Variants in CDKAL1 observed in about 807,000 individuals in gnomAD.
The protein encoded by CDKAL1 is CDKAL1 threonylcarbamoyladenosine tRNA methylthiotransferase.
A neutral mutation model predicts 68.2 loss-of-function variants in CDKAL1; 32 were observed. That is an observed-to-expected ratio of 0.47 (90% CI 0.35 to 0.63). The LOEUF (loss-of-function observed/expected upper bound fraction) is 0.63. Among genes scored for constraint, CDKAL1 ranks in the 30% least tolerant of loss-of-function variants. The pLI is 0.00. For synonymous variants in CDKAL1, 234 were observed against 244.3 expected (o/e 0.96, Z 0.39); for missense variants, 606 against 696.7 (o/e 0.87, Z 1.47).
intron 5 of CDKAL1, among the ~76,000 whole-genome samples, chr6:20,725,510 C>T (rs1581453315): frequency 6.6e-6 from 1 of 152,198 alleles, no homozygotes; most frequent in East Asian, 1.9e-4. Context: ...ACTAGCTGGG[C>T]ATGGTGGCTT....
intron 12 of CDKAL1, among the ~76,000 whole-genome samples, chr6:21,090,372 A>C (rs1289856272): frequency 6.6e-6 from 1 of 152,230 alleles, no homozygotes; most frequent in Non-Finnish European, 1.5e-5. Context: ...CTGGGCCAAA[A>C]GGGTAAGCAC....
intron 11 of CDKAL1, among the ~76,000 whole-genome samples, chr6:21,038,516 C>A (rs72834361): frequency 6.6e-6 from 1 of 152,202 alleles, no homozygotes; most frequent in African/African-American, 2.4e-5. Flanking sequence ...ATTCAGAGAT[C>A]TCTTTTTTGT....
At chr6:21,164,322 T>G (rs1228546179) in intron 13 of CDKAL1, among the ~76,000 whole-genome samples, 1 of 152,034 alleles carries the variant, frequency 6.6e-6, no homozygotes, top group Non-Finnish European at 1.5e-5. Context: ...CTCATTTTAC[T>G]AGCATTTAGA....
At chr6:20,975,867 C>G (rs1040750990) in intron 10 of CDKAL1, among the ~76,000 whole-genome samples, 2 of 152,286 alleles carry the variant, frequency 1.3e-5, no homozygotes. Flanking sequence ...TTATGGCACT[C>G]TTACTAGGTT....
chr6:20,773,658 C>T (rs1260662752), intron 7 of CDKAL1, among the ~76,000 whole-genome samples: 1 of 151,320 alleles, frequency 6.6e-6, no homozygotes, highest in Non-Finnish European at 1.5e-5. Flanking sequence ...CGCCATTCTC[C>T]TGCCTCAGCC....
At chr6:21,205,423 G>A (rs576399381) in intron 15 of CDKAL1, among the ~76,000 whole-genome samples, 9 of 152,282 alleles carry the variant, frequency 5.9e-5, no homozygotes, top group African/African-American at 1.9e-4. Flanking sequence ...CACCAATAGT[G>A]CACAAGGGTT....
chr6:20,719,689 G>A (rs909596884), intron 5 of CDKAL1, among the ~76,000 whole-genome samples: 4 of 152,126 alleles, frequency 2.6e-5, no homozygotes, highest in Non-Finnish European at 5.9e-5. Context: ...GAAATGTATA[G>A]TTTAGCGAAT....
intron 7 of CDKAL1, among the ~76,000 whole-genome samples, chr6:20,780,779 T>G (rs868762858): frequency 4.6e-5 from 7 of 151,476 alleles, no homozygotes; most frequent in Middle Eastern, 3.2e-3. Context: ...GCTCGAGCTA[T>G]TCTCCTGCCT....
intron 13 of CDKAL1, among the ~76,000 whole-genome samples, chr6:21,167,548 A>T (rs1443445515): frequency 6.6e-6 from 1 of 152,206 alleles, no homozygotes; most frequent in Non-Finnish European, 1.5e-5. Flanking sequence ...TGTGGTCAAG[A>T]ATACACACTC....
chr6:20,996,838 T>C (rs547398409), intron 10 of CDKAL1, among the ~76,000 whole-genome samples: 1 of 152,344 alleles, frequency 6.6e-6, no homozygotes, highest in East Asian at 1.9e-4. Context: ...AATAAAATGA[T>C]GTATGCCTGT....
At chr6:20,818,901 G>T (rs183654592) in intron 8 of CDKAL1, among the ~76,000 whole-genome samples, 6 of 151,924 alleles carry the variant, frequency 3.9e-5, no homozygotes, top group Admixed American at 3.3e-4. Flanking sequence ...TAGAATTTAG[G>T]TTGTACAAAA....
At chr6:21,093,734 T>TTTTTTTTTTTTTTTTG in intron 12 of CDKAL1, among the ~76,000 whole-genome samples, 1 of 93,876 alleles carries the variant, frequency 1.1e-5, no homozygotes, top group African/African-American at 4.5e-5. Flanking sequence ...TTTTTTTTTT[T>TTTTTTTTTTTTTTTTG]GGAGACAGGG....
chr6:20,662,371 A>T (rs1769325111), intron 5 of CDKAL1, among the ~76,000 whole-genome samples: 1 of 152,152 alleles, frequency 6.6e-6, no homozygotes, highest in Admixed American at 6.6e-5. Context: ...GAAATTGGAT[A>T]GGAGTGGCAG....
intron 5 of CDKAL1, among the ~76,000 whole-genome samples, chr6:20,726,100 C>T (rs1031182050): frequency 6.6e-6 from 1 of 151,944 alleles, no homozygotes; most frequent in African/African-American, 2.4e-5. Flanking sequence ...GAGTCTATCA[C>T]CTTTTAAAGG....
chr6:20,933,444 C>T (rs549944163), intron 9 of CDKAL1, among the ~76,000 whole-genome samples: 3 of 152,170 alleles, frequency 2.0e-5, no homozygotes, highest in East Asian at 1.9e-4. Context: ...AAAGGAGAGA[C>T]TCAAAATTAA....
chr6:20,818,721 A>G (rs1176339178), intron 8 of CDKAL1, among the ~76,000 whole-genome samples: 2 of 150,360 alleles, frequency 1.3e-5, no homozygotes, highest in African/African-American at 4.9e-5. Flanking sequence ...TATTTGTATA[A>G]CTATATAGTT....
In CDKAL1 at chr6:20,548,576, T is replaced by A. The variant is rs781094634; in HGVS notation, c.174-17T>A. On this transcript the variant is annotated splice_polypyrimidine_tract_variant and intron_variant, in intron 3 of 15. Coordinates refer to ENST00000274695, the MANE Select transcript of CDKAL1 (RefSeq NM_017774.3). ...TCAATGAAACTTACTTTTTTTTTTTTATTGATTCCTTAACAGCACTATTCC... is the reference window on the plus strand; with the variant it reads ...TCAATGAAACTTACTTTTTTTTTTTAATTGATTCCTTAACAGCACTATTCC... The A allele has an allele frequency of 2.9e-5, 32 of 1,105,888 alleles. No individual in the cohort carries two copies. The highest frequency in any genetic ancestry group is 2.0e-4 in the Admixed American group (10 of 48,962). The allele number at this position is 1,105,888 out of a possible 1,614,324, so 68.5% of individuals were successfully genotyped here.
intron 4 of CDKAL1, among the ~76,000 whole-genome samples, chr6:20,625,029 G>A (rs185797694): frequency 2.4e-4 from 36 of 152,128 alleles, no homozygotes; most frequent in African/African-American, 8.4e-4. Flanking sequence ...AGAATACCTA[G>A]CACATATAAT....
chr6:20,882,247 A>G (rs1465617059), intron 9 of CDKAL1, among the ~76,000 whole-genome samples: 1 of 152,124 alleles, frequency 6.6e-6, no homozygotes, highest in African/African-American at 2.4e-5. Context: ...AACGCTGAGG[A>G]TTCCAAATGA....
Sources: gnomAD v4.1 joint callset for allele counts (sites outside exome capture counted in the v4.1 genomes callset) on GRCh38, gnomAD v4.1.1 for gene constraint, MANE v1.5 for transcripts, NCBI Gene and HGNC (gene_info 2026-07-23, HGNC 2026-07-21) for gene names.